Variants in BANK1 observed in about 807,000 individuals in gnomAD.
The protein encoded by BANK1 is B cell scaffold protein with ankyrin repeats 1.
Under a neutral mutation model 94.5 loss-of-function variants are expected in BANK1, and 95 were observed. That is an observed-to-expected ratio of 1.00 (90% confidence interval 0.85 to 1.19). The LOEUF (loss-of-function observed/expected upper bound fraction) is 1.19. Ranked by LOEUF, BANK1 falls within the 50% of genes most tolerant of loss-of-function variation. The pLI, the probability that BANK1 is intolerant of heterozygous loss-of-function variation, is 0.00. For synonymous variants in BANK1, 334 were observed against 308.4 expected, an observed-to-expected ratio of 1.08 and a Z score of -0.87; for missense variants, 987 against 932.2, an observed-to-expected ratio of 1.06 and a Z score of -0.77.
At chr4:101,885,403 G>A (rs939773795) in intron 5 of BANK1, among the ~76,000 whole-genome samples, 1 of 152,106 alleles carries the variant, frequency 6.6e-6, no homozygotes, top group South Asian at 2.1e-4. Flanking sequence ...AGGCACAGTT[G>A]TCTGCTTATT....
intron 11 of BANK1, among the ~76,000 whole-genome samples, chr4:102,051,198 A>T (rs1355193287): frequency 6.6e-6 from 1 of 152,214 alleles, no homozygotes; most frequent in Admixed American, 6.5e-5. Flanking sequence ...AGGTATTTTC[A>T]TCAGGCTGTT....
chr4:101,964,349 T>C (rs1210642321), intron 7 of BANK1, among the ~76,000 whole-genome samples: 1 of 152,054 alleles, frequency 6.6e-6, no homozygotes, highest in Non-Finnish European at 1.5e-5. Context: ...ACTGCCACTT[T>C]GCCCTAAACA....
chr4:101,881,618 A>C (rs1446936883), intron 5 of BANK1, among the ~76,000 whole-genome samples: 1 of 152,182 alleles, frequency 6.6e-6, no homozygotes, highest in Non-Finnish European at 1.5e-5. Flanking sequence ...CTGCACTCCC[A>C]TGTTTGTTGC....
chr4:101,955,614 A>G (rs963919455), intron 7 of BANK1, among the ~76,000 whole-genome samples: 1 of 152,164 alleles, frequency 6.6e-6, no homozygotes, highest in Non-Finnish European at 1.5e-5. Context: ...CAGGAATTTG[A>G]TACTCGGTTT....
At position 101,855,029 on chromosome 4, in the gene BANK1, C is replaced by T. The variant is rs761820223; in HGVS notation, c.470-6C>T. ...TTATAATCTACATTCATAAAATTTT[C>T]TCTAGATTCTGAAGACTACTTTGAG... On this transcript the variant is annotated splice_polypyrimidine_tract_variant and splice_region_variant and intron_variant, in intron 2 of 16. Coordinates refer to ENST00000322953, the MANE Select transcript of BANK1 (RefSeq NM_017935.5). 95 of 1,595,994 alleles carry T rather than the reference C, an allele frequency of 6.0e-5. No individual in the cohort carries two copies. Among genetic ancestry groups the T allele is most frequent in the Non-Finnish European group, 7.8e-5 (91 of 1,167,554 alleles).
intron 7 of BANK1, among the ~76,000 whole-genome samples, chr4:101,985,360 G>A (rs565863611): frequency 3.0e-3 from 450 of 152,204 alleles, no homozygotes; most frequent in Non-Finnish European, 5.2e-3. Context: ...ATCCAAAAAC[G>A]CCTTCACAGA....
rs1243279647 is a variant in BANK1, at chr4:101,870,565, C to T, written c.824C>T (p.Thr275Ile). ...TGTGATGGAATCGTTAAAGCTACAA[C>T]CAAAATTAAGTACTACCCAACAGCA... ...VYCDGIVKAT[T>I]KIKYYPTAKA... Residue 275 changes from threonine to isoleucine, a missense_variant, in exon 5 of 17, where the codon ACC becomes ATC. Transcript: ENST00000322953. The T allele has an allele frequency of 8.7e-6, 14 of 1,612,740 alleles. No homozygotes were observed. The South Asian group carries it at 1.3e-4, about 15-fold the overall frequency.
chr4:101,902,012 G>A (rs58654655), intron 6 of BANK1, among the ~76,000 whole-genome samples: 68,543 of 151,820 alleles, frequency 0.45, 16,645 homozygotes, highest in South Asian at 0.56. Context: ...TGCCCACCTC[G>A]GCCTCCCAAA....
At chr4:101,826,261 A>G (rs185109673) in intron 1 of BANK1, among the ~76,000 whole-genome samples, 31 of 152,104 alleles carry the variant, frequency 2.0e-4, no homozygotes, top group Non-Finnish European at 4.3e-4. Flanking sequence ...ATCTACTGTA[A>G]TCTTTTAAAT....
chr4:101,863,352 T>A (rs1230133671), intron 4 of BANK1, among the ~76,000 whole-genome samples: 1 of 152,078 alleles, frequency 6.6e-6, no homozygotes, highest in Non-Finnish European at 1.5e-5. Flanking sequence ...TTTACATTTA[T>A]GATGTCTTTT....
intron 7 of BANK1, among the ~76,000 whole-genome samples, chr4:101,978,595 A>G (rs1387316840): frequency 6.6e-6 from 1 of 152,084 alleles, no homozygotes; most frequent in East Asian, 1.9e-4. Flanking sequence ...GAGCTTTTCA[A>G]GACACTTAGA....
At chr4:102,003,268 G>A (rs184375060) in intron 7 of BANK1, among the ~76,000 whole-genome samples, 1 of 152,224 alleles carries the variant, frequency 6.6e-6, no homozygotes, top group Non-Finnish European at 1.5e-5. Context: ...AAAACTCAGT[G>A]GATTAAAACC....
chr4:101,918,165 C>A lies in BANK1; in HGVS notation c.1182C>A (p.Leu394=). The A allele has an allele frequency of 6.3e-7, 1 of 1,575,286 alleles. No homozygotes were observed. Among genetic ancestry groups the A allele is most frequent in the Non-Finnish European group, 8.6e-7 (1 of 1,160,104 alleles). Residue 394 remains leucine (L), a synonymous_variant, in exon 7 of 17, where the codon CTC becomes CTA. Transcript: ENST00000322953. ...HIAERHGHKE[L]KKIFEDFSIQ... ...CTGAAAGGCATGGTCACAAAGAACT[C>A]AAGAAAATCTTCGAAGACTTTTCAG... is the stretch of plus-strand genomic sequence containing the variant.
chr4:101,969,660 C>T (rs185241225), intron 7 of BANK1, among the ~76,000 whole-genome samples: 1 of 151,842 alleles, frequency 6.6e-6, no homozygotes, highest in Admixed American at 6.6e-5. Flanking sequence ...ATTTGCTGTC[C>T]AAATGTATTT....
At chr4:101,962,820 C>G (rs1383442697) in intron 7 of BANK1, among the ~76,000 whole-genome samples, 1 of 151,926 alleles carries the variant, frequency 6.6e-6, no homozygotes, top group East Asian at 1.9e-4. Context: ...TTCCTTTAAT[C>G]TCTTGTTGGT....
intron 2 of BANK1, among the ~76,000 whole-genome samples, chr4:101,839,790 T>G (rs1290441549): frequency 6.6e-6 from 1 of 151,962 alleles, no homozygotes; most frequent in African/African-American, 2.4e-5. Flanking sequence ...GAACTTCTTT[T>G]GGAATATGAG....
chr4:101,828,523 T>A (rs1485298775), intron 1 of BANK1, among the ~76,000 whole-genome samples: 1 of 151,898 alleles, frequency 6.6e-6, no homozygotes, highest in African/African-American at 2.4e-5. Flanking sequence ...TCTGTATCAC[T>A]GTGAATCAAG....
intron 7 of BANK1, among the ~76,000 whole-genome samples, chr4:101,979,064 G>A (rs572506119): frequency 2.6e-5 from 4 of 152,070 alleles, no homozygotes; most frequent in African/African-American, 9.6e-5. Context: ...GCATAAAGAA[G>A]CAGTAATGCA....
intron 5 of BANK1, among the ~76,000 whole-genome samples, chr4:101,873,490 TA>T (rs1323361806): frequency 6.6e-6 from 1 of 152,156 alleles, no homozygotes; most frequent in African/African-American, 2.4e-5. Context: ...GAGTTTGTAA[TA>T]AGAGACCTTG....
Sources: allele counts gnomAD v4.1 joint callset (sites outside exome capture counted in the v4.1 genomes callset), GRCh38; gene constraint gnomAD v4.1.1; transcripts MANE v1.5; gene names NCBI Gene and HGNC (gene_info 2026-07-23, HGNC 2026-07-21).